VAV3: variants seen among roughly 807,000 people sequenced by gnomAD.
The protein encoded by VAV3 is vav guanine nucleotide exchange factor 3.
In VAV3, 94 loss-of-function variants were observed where a neutral mutation model predicts 131.2. The ratio of observed to expected loss-of-function variants is 0.72; its 90% CI spans 0.61 to 0.85. The LOEUF (loss-of-function observed/expected upper bound fraction) is 0.85, where lower values mean the gene tolerates loss of function less well. Ranked by LOEUF, VAV3 falls within the 40% of genes least tolerant of loss-of-function variation. VAV3 has a pLI of 0.00. For synonymous variants in VAV3, 349 were observed against 342.0 expected (o/e 1.02, Z -0.22); for missense variants, 939 against 1,002.7 (o/e 0.94, Z 0.86).
intron 25 of VAV3, among the ~76,000 whole-genome samples, chr1:107,575,009 GCGCGCGCA>G (rs1173225258): frequency 2.7e-4 from 8 of 29,744 alleles, no homozygotes; most frequent in East Asian, 2.1e-3. Context: ...GTGCGCGCGC[GCGCGCGCA>G]CACGCGCGCG....
chr1:107,884,859 C>T (rs1670959102), intron 1 of VAV3, among the ~76,000 whole-genome samples: 1 of 152,042 alleles, frequency 6.6e-6, no homozygotes, highest in Non-Finnish European at 1.5e-5. Flanking sequence ...GGAAAATAAG[C>T]ATTTCTTTCT....
At chr1:107,762,116 C>CAAA (rs34560210) in intron 9 of VAV3, among the ~76,000 whole-genome samples, 6 of 107,834 alleles carry the variant, frequency 5.6e-5, no homozygotes, top group African/African-American at 1.8e-4. Context: ...TGGTGTTCTT[C>CAAA]AAAAAAAAAA....
intron 20 of VAV3, among the ~76,000 whole-genome samples, chr1:107,633,553 G>C (rs1489077279): frequency 6.6e-6 from 1 of 152,082 alleles, no homozygotes; most frequent in Non-Finnish European, 1.5e-5. Context: ...TTCTGTCTGT[G>C]GCACACTGTT....
chr1:107,717,393 C>G (rs1347857020), intron 15 of VAV3, among the ~76,000 whole-genome samples: 1 of 152,212 alleles, frequency 6.6e-6, no homozygotes, highest in Non-Finnish European at 1.5e-5. Context: ...AAATTTCCCT[C>G]TATACACTGC....
At chr1:107,767,591 A>T (rs1482932158) in intron 7 of VAV3, among the ~76,000 whole-genome samples, 3 of 152,246 alleles carry the variant, frequency 2.0e-5, no homozygotes, top group Non-Finnish European at 4.4e-5. Context: ...GCCATTGCTT[A>T]CCAACTGCTA....
chr1:107,830,774 T>C (rs1167011037), intron 2 of VAV3, among the ~76,000 whole-genome samples: 1 of 152,210 alleles, frequency 6.6e-6, no homozygotes, highest in African/African-American at 2.4e-5. Flanking sequence ...ACAACTATGT[T>C]ACCAGGCTGG....
chr1:107,668,185 C>T (rs763664154), intron 19 of VAV3, among the ~76,000 whole-genome samples: 2 of 152,214 alleles, frequency 1.3e-5, no homozygotes, highest in Non-Finnish European at 2.9e-5. Context: ...CATTGAGCAT[C>T]TGGCATGATC....
intron 19 of VAV3, among the ~76,000 whole-genome samples, chr1:107,651,623 T>C (rs897652528): frequency 8.6e-5 from 13 of 151,996 alleles, no homozygotes; most frequent in Non-Finnish European, 1.9e-4. Context: ...CACATGCACA[T>C]ATACTTGATT....
At chr1:107,765,648 T>A (rs1664693894) in intron 8 of VAV3, among the ~76,000 whole-genome samples, 1 of 152,162 alleles carries the variant, frequency 6.6e-6, no homozygotes. Flanking sequence ...ACATAAATCA[T>A]CTGAAGAGAG....
chr1:107,697,380 A>G (rs1659813417), intron 17 of VAV3, among the ~76,000 whole-genome samples: 1 of 152,180 alleles, frequency 6.6e-6, no homozygotes, highest in African/African-American at 2.4e-5. Flanking sequence ...AAAGAAGGAG[A>G]GAGGGAGAGA....
intron 1 of VAV3, among the ~76,000 whole-genome samples, chr1:107,922,489 T>C (rs1006983453): frequency 2.2e-4 from 33 of 152,186 alleles, no homozygotes; most frequent in African/African-American, 7.2e-4. Context: ...ACAAGTTATA[T>C]TGTATAAAGT....
intron 2 of VAV3, among the ~76,000 whole-genome samples, chr1:107,818,015 C>T (rs1052432844): frequency 5.9e-5 from 9 of 152,186 alleles, no homozygotes; most frequent in Non-Finnish European, 1.2e-4. Context: ...TCGGAACAAA[C>T]ACCAGGGAGC....
intron 24 of VAV3, among the ~76,000 whole-genome samples, chr1:107,599,226 G>C (rs1034998523): frequency 6.6e-6 from 1 of 152,134 alleles, no homozygotes; most frequent in Non-Finnish European, 1.5e-5. Context: ...ACAGTCTTAC[G>C]AGGGTAAATC....
chr1:107,653,754 G>A (rs1023431866), intron 19 of VAV3, among the ~76,000 whole-genome samples: 1 of 151,928 alleles, frequency 6.6e-6, no homozygotes, highest in Non-Finnish European at 1.5e-5. Flanking sequence ...CTAACTATGT[G>A]TCTTCATTTT....
At chr1:107,581,941 T>C (rs1351299106) in intron 25 of VAV3, among the ~76,000 whole-genome samples, 1 of 152,236 alleles carries the variant, frequency 6.6e-6, no homozygotes, top group Non-Finnish European at 1.5e-5. Context: ...CAGAGAACAT[T>C]ACCCTAAGTT....
At chr1:107,698,510 C>T (rs1405589954) in intron 17 of VAV3, among the ~76,000 whole-genome samples, 1 of 152,200 alleles carries the variant, frequency 6.6e-6, no homozygotes, top group Non-Finnish European at 1.5e-5. Flanking sequence ...GCAGTTTTGA[C>T]TTACGATAGT....
intron 1 of VAV3, among the ~76,000 whole-genome samples, chr1:107,928,824 G>A (rs1407393074): frequency 1.3e-5 from 2 of 152,196 alleles, no homozygotes; most frequent in Non-Finnish European, 2.9e-5. Context: ...AAAGAGATAA[G>A]GAAGAAAGTT....
chr1:107,614,271 T>G (rs1652973449), intron 21 of VAV3, among the ~76,000 whole-genome samples: 1 of 152,098 alleles, frequency 6.6e-6, no homozygotes, highest in South Asian at 2.1e-4. Context: ...GGTTTCTACC[T>G]GCCTATATCA....
At chr1:107,745,231 A>C (rs1311288013) in intron 15 of VAV3, among the ~76,000 whole-genome samples, 1 of 152,234 alleles carries the variant, frequency 6.6e-6, no homozygotes, top group Admixed American at 6.5e-5. Context: ...AATAAAAGTA[A>C]GCAATGCATA....
Sources: gnomAD v4.1 joint callset for allele counts (sites outside exome capture counted in the v4.1 genomes callset) on GRCh38, gnomAD v4.1.1 for gene constraint, MANE v1.5 for transcripts, NCBI Gene and HGNC (gene_info 2026-07-23, HGNC 2026-07-21) for gene names.